Variants in AP3B1 observed in about 807,000 individuals in gnomAD.
AP3B1 encodes the protein adaptor related protein complex 3 subunit beta 1.
A neutral mutation model predicts 132.5 loss-of-function variants in AP3B1; 61 were observed. That is an observed-to-expected ratio of 0.46 (90% CI 0.37 to 0.57). The LOEUF is 0.57. Among genes scored for constraint, AP3B1 ranks in the 20% least tolerant of loss-of-function variants. AP3B1 has a pLI of 0.00. For synonymous variants in AP3B1, 388 were observed against 438.3 expected, an observed-to-expected ratio of 0.89 and a Z score of 1.43; for missense variants, 1,120 against 1,289.4, an observed-to-expected ratio of 0.87 and a Z score of 2.01.
intron 15 of AP3B1, among the ~76,000 whole-genome samples, chr5:78,140,456 G>A (rs959109027): frequency 2.0e-5 from 3 of 152,040 alleles, no homozygotes; most frequent in Admixed American, 6.6e-5. Flanking sequence ...CAAGATCAAG[G>A]TACCCACAGT....
intron 7 of AP3B1, among the ~76,000 whole-genome samples, chr5:78,206,135 T>C (rs1239517870): frequency 6.6e-6 from 1 of 152,166 alleles, no homozygotes; most frequent in Non-Finnish European, 1.5e-5. Flanking sequence ...GCCTGAAGTA[T>C]TTCCTAATAA....
At chr5:78,192,099 A>T (rs1300751391) in intron 7 of AP3B1, among the ~76,000 whole-genome samples, 1 of 151,544 alleles carries the variant, frequency 6.6e-6, no homozygotes, top group Admixed American at 6.6e-5. Flanking sequence ...ACCTCAGGTG[A>T]TCCGCCCGCC....
intron 7 of AP3B1, among the ~76,000 whole-genome samples, chr5:78,207,559 T>A (rs1323100518): frequency 6.6e-6 from 1 of 152,002 alleles, no homozygotes; most frequent in Non-Finnish European, 1.5e-5. Flanking sequence ...AAAAAAAATG[T>A]AAACATCGAA....
intron 2 of AP3B1, among the ~76,000 whole-genome samples, chr5:78,249,598 T>A (rs1049786880): frequency 7.4e-5 from 11 of 148,802 alleles, no homozygotes; most frequent in African/African-American, 2.7e-4. Flanking sequence ...TTTTTTTTTT[T>A]TTTGAGACAG....
intron 13 of AP3B1, among the ~76,000 whole-genome samples, chr5:78,157,688 C>A (rs776579266): frequency 3.3e-4 from 50 of 152,082 alleles, no homozygotes; most frequent in Admixed American, 9.2e-4. Context: ...ATTAGGAATT[C>A]CCCTGGCATA....
chr5:78,243,234 T>G (rs948542242), intron 2 of AP3B1, among the ~76,000 whole-genome samples: 2 of 152,174 alleles, frequency 1.3e-5, no homozygotes, highest in African/African-American at 4.8e-5. Flanking sequence ...ATCTTTGAAA[T>G]AAGAAAAGAG....
intron 14 of AP3B1, among the ~76,000 whole-genome samples, chr5:78,150,086 T>A (rs1272202803): frequency 6.6e-6 from 1 of 152,142 alleles, no homozygotes; most frequent in African/African-American, 2.4e-5. Flanking sequence ...TACACAAAAA[T>A]GATCCCTCTG....
chr5:78,134,604 G>A (rs190144724), intron 15 of AP3B1, among the ~76,000 whole-genome samples: 39 of 152,192 alleles, frequency 2.6e-4, no homozygotes, highest in African/African-American at 9.4e-4. Context: ...GCAATGGCGC[G>A]ATCTCAGCTC....
At chr5:78,045,469 C>A (rs113741830) in intron 22 of AP3B1, among the ~76,000 whole-genome samples, 116 of 151,130 alleles carry the variant, frequency 7.7e-4, no homozygotes, top group Non-Finnish European at 1.3e-3. Context: ...AGTCATATTA[C>A]GCCAAACTTC....
intron 20 of AP3B1, among the ~76,000 whole-genome samples, chr5:78,103,594 A>G (rs1561408454): frequency 2.0e-5 from 3 of 152,120 alleles, no homozygotes; most frequent in African/African-American, 7.2e-5. Flanking sequence ...GTTTTTGTAT[A>G]TTTTTTTAAA....
At chr5:78,038,968 T>C (rs999392510) in intron 23 of AP3B1, 75 bp downstream of exon 23, 5 of 880,354 alleles carry the variant, frequency 5.7e-6, no homozygotes, top group Non-Finnish European at 8.8e-6. Context: ...CTAAAAAGTA[T>C]TCTACTTTAC....
intron 22 of AP3B1, among the ~76,000 whole-genome samples, chr5:78,064,687 G>A (rs757841618): frequency 6.6e-6 from 1 of 152,166 alleles, no homozygotes; most frequent in Non-Finnish European, 1.5e-5. Context: ...TTACCATGCT[G>A]TATTTTTAGA....
At chr5:78,187,491 T>A (rs771447449) in intron 7 of AP3B1, among the ~76,000 whole-genome samples, 2 of 151,986 alleles carry the variant, frequency 1.3e-5, no homozygotes, top group Non-Finnish European at 2.9e-5. Context: ...GAAAGACACA[T>A]ATGTATTGCT....
chr5:78,018,485 G>T lies in AP3B1; in HGVS notation c.2992+2207C>A, dbSNP rs1746950133. Among the ~76,000 whole-genome samples the T allele has an allele frequency of 3.5e-5, 5 of 144,880 alleles. No individual in the cohort carries two copies. The Admixed American group carries it at 3.7e-4, about 11-fold the overall frequency. On this transcript the variant is annotated intron_variant, in intron 25 of 26. Coordinates refer to ENST00000255194, the MANE Select transcript of AP3B1 (RefSeq NM_003664.5). ...TTTATTTAATACTGTACACTTTTCA[G>T]TTACGTATATCTTTAGAATGAAAAT...
chr5:78,143,720 T>A (rs553326754), intron 14 of AP3B1, among the ~76,000 whole-genome samples: 4 of 152,246 alleles, frequency 2.6e-5, no homozygotes, highest in Middle Eastern at 3.4e-3. Flanking sequence ...AGAAAATTAG[T>A]CACTTTTTAG....
chr5:78,109,147 AT>A (rs1302413792), intron 20 of AP3B1, among the ~76,000 whole-genome samples: 4 of 152,150 alleles, frequency 2.6e-5, no homozygotes, highest in Admixed American at 2.6e-4. Flanking sequence ...TTTTATGTGA[AT>A]TTTTTAAAAA....
At chr5:78,090,687 T>C (rs758968085) in intron 21 of AP3B1, among the ~76,000 whole-genome samples, 11 of 152,264 alleles carry the variant, frequency 7.2e-5, no homozygotes, top group Non-Finnish European at 1.5e-4. Flanking sequence ...TAACATTAAT[T>C]TTTGGTGTTT....
intron 2 of AP3B1, among the ~76,000 whole-genome samples, chr5:78,253,174 T>C (rs912693036): frequency 1.1e-4 from 17 of 152,254 alleles, no homozygotes; most frequent in Non-Finnish European, 5.9e-5. Flanking sequence ...TTACTGAGCT[T>C]GGGGTGCCCC....
chr5:78,122,139 T>A (rs1752235663), intron 17 of AP3B1, among the ~76,000 whole-genome samples: 1 of 152,118 alleles, frequency 6.6e-6, no homozygotes, highest in African/African-American at 2.4e-5. Flanking sequence ...TTTGACAAAA[T>A]TCAACAACCC....
Sources: allele counts gnomAD v4.1 joint callset (sites outside exome capture counted in the v4.1 genomes callset), GRCh38; gene constraint gnomAD v4.1.1; transcripts MANE v1.5; gene names NCBI Gene and HGNC (gene_info 2026-07-23, HGNC 2026-07-21).